The following PCCA variants were observed in gnomAD, a reference collection of about 807,000 sequenced individuals.
PCCA encodes propionyl-CoA carboxylase alpha chain, mitochondrial.
Under a neutral mutation model 101.3 loss-of-function variants are expected in PCCA, and 74 were observed. The observed-to-expected ratio is 0.73, with a 90% CI of 0.61 to 0.89. The LOEUF (loss-of-function observed/expected upper bound fraction) is 0.89, where lower values mean the gene tolerates loss of function less well. PCCA is among the 40% of genes least tolerant of loss of function. The pLI, the probability that PCCA is intolerant of heterozygous loss-of-function variation, is 0.00. For missense variants in PCCA, 891 were observed against 907.0 expected (o/e 0.98, Z 0.23); for synonymous variants, 294 against 313.6 (o/e 0.94, Z 0.66).
At chr13:100,148,018 A>G (rs9300590) in intron 4 of PCCA, among the ~76,000 whole-genome samples, 5,106 of 152,130 alleles carry the variant, frequency 0.034, 286 homozygotes, top group African/African-American at 0.12. Context: ...CCTGGGCTTG[A>G]GTGATCCTCC....
chr13:100,143,017 A>G (rs563026854), intron 4 of PCCA, among the ~76,000 whole-genome samples: 6 of 152,146 alleles, frequency 3.9e-5, no homozygotes, highest in East Asian at 1.9e-4. Flanking sequence ...TCCCCCTTAC[A>G]TGGGCTTCAA....
intron 21 of PCCA, among the ~76,000 whole-genome samples, chr13:100,495,967 T>TTCTCTC (rs58145817): frequency 6.6e-6 from 1 of 150,436 alleles, no homozygotes; most frequent in African/African-American, 2.4e-5. Flanking sequence ...ATTCCTCTCT[T>TTCTCTC]TCTCTCTCTC....
chr13:100,195,772 C>T (rs1251145842), intron 6 of PCCA, among the ~76,000 whole-genome samples: 1 of 152,136 alleles, frequency 6.6e-6, no homozygotes, highest in Non-Finnish European at 1.5e-5. Context: ...ATAAGTCTTT[C>T]AACTGGAAAT....
At chr13:100,348,920 T>TTTCTTTCTTTCCTTCCTTCCTTCCTCCC (rs1555429132) in intron 18 of PCCA, among the ~76,000 whole-genome samples, 1 of 89,020 alleles carries the variant, frequency 1.1e-5, no homozygotes, top group Admixed American at 1.3e-4. Context: ...CTTTCTTTTC[T>TTTCTTTCTTTCCTTCCTTCCTTCCTCCC]TTTCTTTTCT....
chr13:100,225,703 C>T (rs2060106867), intron 7 of PCCA, among the ~76,000 whole-genome samples: 2 of 152,080 alleles, frequency 1.3e-5, no homozygotes, highest in African/African-American at 4.8e-5. Context: ...GATGAAGCCT[C>T]AAAGGTTTTA....
chr13:100,275,967 C>T (rs1469363971), intron 12 of PCCA, among the ~76,000 whole-genome samples: 1 of 151,970 alleles, frequency 6.6e-6, no homozygotes, highest in East Asian at 1.9e-4. Flanking sequence ...ACATATTTAC[C>T]TTTCTTTGTC....
intron 19 of PCCA, among the ~76,000 whole-genome samples, chr13:100,411,018 T>C (rs2078018953): frequency 6.6e-6 from 1 of 152,186 alleles, no homozygotes; most frequent in African/African-American, 2.4e-5. Context: ...GTTGCAAATA[T>C]AGAATAGGGG....
chr13:100,131,047 AT>A (rs927989597), intron 4 of PCCA, among the ~76,000 whole-genome samples: 1 of 152,170 alleles, frequency 6.6e-6, no homozygotes. Context: ...GGAGGAAAAA[AT>A]GGAGAGCTTT....
chr13:100,121,326 T>G (rs572290057), intron 4 of PCCA, among the ~76,000 whole-genome samples: 5 of 151,520 alleles, frequency 3.3e-5, no homozygotes, highest in Non-Finnish European at 7.4e-5. Context: ...CACAGCTAAT[T>G]TTTTTGTACT....
chr13:100,486,221 G>C (rs2084361364), intron 21 of PCCA, among the ~76,000 whole-genome samples: 1 of 152,218 alleles, frequency 6.6e-6, no homozygotes, highest in African/African-American at 2.4e-5. Context: ...TCTGAGGGTT[G>C]ATGTTCTTCT....
chr13:100,099,829 A>G (rs1251106153), intron 1 of PCCA, among the ~76,000 whole-genome samples: 1 of 152,162 alleles, frequency 6.6e-6, no homozygotes, highest in Non-Finnish European at 1.5e-5. Flanking sequence ...TAGCAGCATT[A>G]TGACCTAGAT....
In PCCA at chr13:100,104,932, G is replaced by C. The variant is rs1456916439; in HGVS notation, c.183+1972G>C. ...TTGGGCAGGCTGGTCTCGAACTCCT[G>C]ACCTCAAATGTCTTCCTGCCTCAGC... On this transcript the variant is annotated intron_variant, in intron 2 of 23. Transcript: ENST00000376285. Among the ~76,000 whole-genome samples the C allele has an allele frequency of 2.6e-5, 4 of 151,980 alleles. No individual in the cohort carries two copies. The East Asian group carries it at 7.7e-4, about 29-fold the overall frequency.
intron 19 of PCCA, among the ~76,000 whole-genome samples, chr13:100,401,894 A>G (rs997928881): frequency 6.6e-6 from 1 of 152,200 alleles, no homozygotes; most frequent in Admixed American, 6.5e-5. Flanking sequence ...TGTAGACGTG[A>G]AAGTGAAACC....
At chr13:100,223,188 A>G (rs965972381) in intron 7 of PCCA, among the ~76,000 whole-genome samples, 1 of 152,130 alleles carries the variant, frequency 6.6e-6, no homozygotes, top group Non-Finnish European at 1.5e-5. Flanking sequence ...AATGAATAAC[A>G]TGCCACAGAT....
intron 21 of PCCA, chr13:100,479,567 A>G (rs1330068273): frequency 6.6e-6 from 1 of 152,222 alleles, no homozygotes; most frequent in Non-Finnish European, 1.5e-5. Context: ...CATAACGACA[A>G]AATATATTTA....
At chr13:100,501,022 G>A (rs2085625674) in intron 21 of PCCA, among the ~76,000 whole-genome samples, 1 of 152,000 alleles carries the variant, frequency 6.6e-6, no homozygotes, top group Non-Finnish European at 1.5e-5. Flanking sequence ...GGTGCCTGTA[G>A]TCCCAGCTAC....
At chr13:100,336,765 C>G (rs904294125) in intron 17 of PCCA, among the ~76,000 whole-genome samples, 1 of 152,134 alleles carries the variant, frequency 6.6e-6, no homozygotes, top group Admixed American at 6.5e-5. Context: ...ACTGAAGAGC[C>G]CACTGTGCCC....
intron 17 of PCCA, among the ~76,000 whole-genome samples, chr13:100,335,184 A>G (rs2070248036): frequency 6.6e-6 from 1 of 152,214 alleles, no homozygotes; most frequent in Admixed American, 6.5e-5. Context: ...ATAAGGATTC[A>G]GAACTATTTT....
At chr13:100,152,815 C>G (rs2053502693) in intron 4 of PCCA, among the ~76,000 whole-genome samples, 1 of 152,104 alleles carries the variant, frequency 6.6e-6, no homozygotes, top group African/African-American at 2.4e-5. Context: ...AGTTAAAAAA[C>G]AAAAGGGTGA....
Sources: allele counts gnomAD v4.1 joint callset (sites outside exome capture counted in the v4.1 genomes callset), GRCh38; gene constraint gnomAD v4.1.1; transcripts MANE v1.5; gene names NCBI Gene and HGNC (gene_info 2026-07-23, HGNC 2026-07-21).